Variants in EPB41L2 observed in about 807,000 individuals in gnomAD.
EPB41L2 encodes the protein erythrocyte membrane protein band 4.1 like 2, also known as band 4.1-like protein 2.
Under a neutral mutation model 113.0 loss-of-function variants are expected in EPB41L2, and 43 were observed. The ratio of observed to expected loss-of-function variants is 0.38; its 90% confidence interval spans 0.30 to 0.49. The LOEUF is 0.49. Ranked by LOEUF, EPB41L2 falls within the 20% of genes least tolerant of loss-of-function variation. The pLI, the probability that EPB41L2 is intolerant of heterozygous loss-of-function variation, is 0.95. For synonymous variants in EPB41L2, 442 were observed against 436.7 expected, an observed-to-expected ratio of 1.01 and a Z score of -0.15; for missense variants, 1,147 against 1,223.4, an observed-to-expected ratio of 0.94 and a Z score of 0.93.
At chr6:130,919,002 T>C (rs1205509571) in intron 4 of EPB41L2, among the ~76,000 whole-genome samples, 1 of 152,164 alleles carries the variant, frequency 6.6e-6, no homozygotes, top group Non-Finnish European at 1.5e-5. Context: ...CTGGATTTTG[T>C]CTACATAAGC....
rs184318427 is a variant in EPB41L2 at position 131,056,205 on chromosome 6, T to G, written c.-15+6950A>C. Among the ~76,000 whole-genome samples, 293 of 152,388 alleles carry G rather than the reference T, an allele frequency of 1.9e-3. 6 individuals carry two copies. In the South Asian group the frequency reaches 0.025, roughly 13 times the overall value. Reference sequence around the variant, plus strand: ...ATAAAGGTTACATTTTAATGCCATATGCAGAGGTTTAAACATTGTCAACAA... The same window carrying G: ...ATAAAGGTTACATTTTAATGCCATAGGCAGAGGTTTAAACATTGTCAACAA... On this transcript the variant is annotated intron_variant, in intron 1 of 19. Coordinates refer to ENST00000337057, the MANE Select transcript of EPB41L2 (RefSeq NM_001431.4).
At chr6:131,004,536 TAAC>T (rs1250612399) in intron 1 of EPB41L2, among the ~76,000 whole-genome samples, 2 of 152,148 alleles carry the variant, frequency 1.3e-5, no homozygotes, top group Non-Finnish European at 2.9e-5. Context: ...CCACAAATCC[TAAC>T]AACACTTCTA....
At chr6:130,936,999 C>T (rs1729468028) in intron 3 of EPB41L2, among the ~76,000 whole-genome samples, 1 of 152,218 alleles carries the variant, frequency 6.6e-6, no homozygotes, top group Non-Finnish European at 1.5e-5. Context: ...AGGTTCGCAG[C>T]AAAATTGCGC....
rs141178323 is a variant in EPB41L2, at chr6:130,943,820, T to C, written c.705+11285A>G. On this transcript the variant is annotated intron_variant, in intron 3 of 19. Transcript: ENST00000337057. ...AACAAGGGACAAAGAATAAGAATTA[T>C]AGTATCTTCAAGCCCAGCCTACGCC... 2.0e-3 allele frequency among the ~76,000 whole-genome samples: 302 copies of C among 152,200 alleles called. 7 individuals are homozygous for C. The East Asian group carries it at 0.042, about 21-fold the overall frequency.
At chr6:130,963,439 TA>T (rs1774137126) in intron 1 of EPB41L2, among the ~76,000 whole-genome samples, 2 of 152,324 alleles carry the variant, frequency 1.3e-5, no homozygotes, top group South Asian at 4.1e-4. Context: ...GATAAATCAC[TA>T]ATTCTTTACT....
chr6:130,891,336 GA>G (rs111984625), intron 10 of EPB41L2, among the ~76,000 whole-genome samples: 3,942 of 146,384 alleles, frequency 0.027, 199 homozygotes, highest in African/African-American at 0.093. Flanking sequence ...CTGCAATAAA[GA>G]AAAAAAAAAG....
chr6:131,052,527 A>G (rs1796766437), intron 1 of EPB41L2, among the ~76,000 whole-genome samples: 1 of 152,234 alleles, frequency 6.6e-6, no homozygotes, highest in Non-Finnish European at 1.5e-5. Context: ...CATAGTTTAA[A>G]GCTGAACCAA....
intron 1 of EPB41L2, among the ~76,000 whole-genome samples, chr6:131,039,929 C>A (rs1486118134): frequency 6.6e-6 from 1 of 151,676 alleles, no homozygotes; most frequent in East Asian, 1.9e-4. Context: ...TCCTGCATTT[C>A]AAATAAAAGG....
intron 8 of EPB41L2, 101 bp from the exon 9 acceptor site, chr6:130,895,220 T>A: frequency 7.4e-7 from 1 of 1,352,428 alleles, no homozygotes; most frequent in Non-Finnish European, 1.0e-6. Context: ...AATGACAGTT[T>A]AACAGGTTTG....
chr6:130,905,057 T>C lies in EPB41L2; in HGVS notation c.854-517A>G, dbSNP rs151065589. 5.8e-4 allele frequency among the ~76,000 whole-genome samples: 89 copies of C among 152,220 alleles called. 1 individual carries two copies. In the South Asian group the frequency reaches 0.017, roughly 29 times the overall value. ...AAAGAGATCCCAAGAAGGGAAAGCA[T>C]GGTATAATTTCATGATACTTTAGGA... is the stretch of plus-strand genomic sequence containing the variant. On this transcript the variant is annotated intron_variant, in intron 5 of 19. Coordinates refer to ENST00000337057, the MANE Select transcript of EPB41L2 (RefSeq NM_001431.4).
intron 1 of EPB41L2, among the ~76,000 whole-genome samples, chr6:130,997,759 A>G (rs9398968): frequency 6.6e-6 from 1 of 152,264 alleles, no homozygotes; most frequent in Non-Finnish European, 1.5e-5. Flanking sequence ...TTCAGGGGGG[A>G]AAAGGCAGTG....
intron 12 of EPB41L2, chr6:130,882,288 C>T (rs1422413086): frequency 2.0e-5 from 3 of 152,166 alleles, no homozygotes; most frequent in Non-Finnish European, 2.9e-5. Flanking sequence ...CCTACAATTT[C>T]GCTCCTAACT....
intron 1 of EPB41L2, among the ~76,000 whole-genome samples, chr6:131,009,687 C>G (rs79950603): frequency 2.0e-5 from 3 of 150,556 alleles, no homozygotes; most frequent in South Asian, 2.1e-4. Context: ...AAAAAAAAAC[C>G]AAACTAGTCA....
chr6:131,029,237 C>G (rs1426293276), intron 1 of EPB41L2, among the ~76,000 whole-genome samples: 2 of 152,052 alleles, frequency 1.3e-5, no homozygotes. Flanking sequence ...GACTTTGTCT[C>G]CTTACAACTT....
chr6:130,943,466 C>T (rs929573622), intron 3 of EPB41L2, among the ~76,000 whole-genome samples: 2 of 152,212 alleles, frequency 1.3e-5, no homozygotes, highest in African/African-American at 4.8e-5. Context: ...TCTACTACCA[C>T]CCTCTGATGA....
intron 3 of EPB41L2, among the ~76,000 whole-genome samples, chr6:130,942,822 A>G (rs971576780): frequency 4.6e-5 from 7 of 151,532 alleles, no homozygotes; most frequent in African/African-American, 1.5e-4. Context: ...TCATTGTTCA[A>G]CTCCCACTTA....
At chr6:131,043,014 C>T (rs1231680085) in intron 1 of EPB41L2, among the ~76,000 whole-genome samples, 1 of 151,992 alleles carries the variant, frequency 6.6e-6, no homozygotes, top group Non-Finnish European at 1.5e-5. Context: ...GTAAGAAATC[C>T]GAGGCTGGGC....
chr6:130,976,752 C>T (rs1408398357), intron 1 of EPB41L2, among the ~76,000 whole-genome samples: 2 of 152,194 alleles, frequency 1.3e-5, no homozygotes, highest in Admixed American at 1.3e-4. Context: ...TTTTAAATTA[C>T]ACAATCAGAC....
intron 1 of EPB41L2, among the ~76,000 whole-genome samples, chr6:131,045,948 CT>C (rs5880049): frequency 0.43 from 59,653 of 138,442 alleles, 14,074 homozygotes; most frequent in Non-Finnish European, 0.54. Context: ...TTCTTTCTCT[CT>C]TTTTTTTTTT....
Sources: gnomAD v4.1 joint callset for allele counts (sites outside exome capture counted in the v4.1 genomes callset) on GRCh38, gnomAD v4.1.1 for gene constraint, MANE v1.5 for transcripts, NCBI Gene and HGNC (gene_info 2026-07-23, HGNC 2026-07-21) for gene names.